COL11A1: variants seen among roughly 807,000 people sequenced by gnomAD.
COL11A1 encodes collagen type XI alpha 1 chain.
In COL11A1, 74 loss-of-function variants were observed where a neutral mutation model predicts 265.2. The observed-to-expected ratio is 0.28, with a 90% CI of 0.23 to 0.34. The LOEUF (loss-of-function observed/expected upper bound fraction) is 0.34. COL11A1 is among the 10% of genes least tolerant of loss of function. COL11A1 has a pLI of 1.00. For missense variants in COL11A1, 2,165 were observed against 2,263.6 expected, an observed-to-expected ratio of 0.96 and a Z score of 0.88; for synonymous variants, 816 against 727.6, an observed-to-expected ratio of 1.12 and a Z score of -1.96.
At position 102,962,713 on chromosome 1, in the gene COL11A1, G is replaced by A. The variant is rs1051072; in HGVS notation, c.2964C>T (p.Gly988=). The change falls in exon 39 of 67, where the codon GGC becomes GGT. Residue 988 remains glycine, a synonymous_variant. Transcript: ENST00000370096. ...TGPIGERGHP[G]PPGPPGEQGL... is the part of the protein sequence containing the mutation. ...CTTGCTCACCAGGAGGGCCAGGAGG[G>A]CCAGGATGCCCACGTTCCCCTATTG... 17 of 1,614,036 alleles carry A rather than the reference G, an allele frequency of 1.1e-5. No homozygotes were observed. Among genetic ancestry groups the A allele is most frequent in the Admixed American group, 5.0e-5 (3 of 60,002 alleles).
intron 20 of COL11A1, 111 bp from the exon 21 acceptor site, chr1:103,003,379 C>T: frequency 1.7e-6 from 2 of 1,169,188 alleles, no homozygotes; most frequent in Non-Finnish European, 2.5e-6. Flanking sequence ...AATATTTGGA[C>T]ATCTTTTATT....
chr1:102,908,123 G>A (rs114053089), intron 54 of COL11A1, among the ~76,000 whole-genome samples: 13,952 of 152,078 alleles, frequency 0.092, 744 homozygotes, highest in Middle Eastern at 0.13. Context: ...TAGTATCTCA[G>A]TGTAATTTCT....
chr1:102,895,039 A>C (rs1156259316), intron 57 of COL11A1, among the ~76,000 whole-genome samples: 2 of 152,164 alleles, frequency 1.3e-5, no homozygotes, highest in Non-Finnish European at 2.9e-5. Context: ...CACATATACA[A>C]ATGTAAATAT....
chr1:102,941,156 C>G (rs1369554695), intron 42 of COL11A1, among the ~76,000 whole-genome samples: 2 of 151,900 alleles, frequency 1.3e-5, no homozygotes, highest in African/African-American at 2.4e-5. Flanking sequence ...TTTTCATTAC[C>G]CCACTTTCCC....
intron 46 of COL11A1, among the ~76,000 whole-genome samples, chr1:102,931,030 T>C (rs1448285768): frequency 6.7e-6 from 1 of 148,542 alleles, no homozygotes; most frequent in African/African-American, 2.5e-5. Context: ...TTGTTGATCC[T>C]TTCAAAAAAC....
intron 1 of COL11A1, among the ~76,000 whole-genome samples, chr1:103,106,875 G>T (rs1446760722): frequency 6.6e-6 from 1 of 151,988 alleles, no homozygotes. Flanking sequence ...CTAGACCCAG[G>T]GCCACACTCA....
chr1:102,891,035 A>T (rs1046161159), intron 57 of COL11A1, among the ~76,000 whole-genome samples: 2 of 152,092 alleles, frequency 1.3e-5, no homozygotes, highest in Non-Finnish European at 2.9e-5. Context: ...GCCTAATAAT[A>T]TTCTATAGAA....
In COL11A1 at chr1:103,014,881, CT is replaced by C. The variant is rs546063659; in HGVS notation, c.1489-288del. On this transcript the variant is annotated intron_variant, in intron 12 of 66. Coordinates refer to ENST00000370096, the MANE Select transcript of COL11A1 (RefSeq NM_001854.4). Reference sequence around the variant, plus strand: ...ATACCTCTGGAATAAACCATTGTGACTTTTTTTTAAGCACAAATGTTACCCA... The same window carrying C: ...ATACCTCTGGAATAAACCATTGTGACTTTTTTTAAGCACAAATGTTACCCA... Among the ~76,000 whole-genome samples, 14 of 151,740 alleles carry C rather than the reference CT, an allele frequency of 9.2e-5. No homozygotes were observed. The East Asian group carries it at 1.7e-3, about 19-fold the overall frequency.
intron 7 of COL11A1, among the ~76,000 whole-genome samples, chr1:103,023,656 C>A (rs1667286477): frequency 6.6e-6 from 1 of 152,272 alleles, no homozygotes; most frequent in South Asian, 2.1e-4. Context: ...CACACCCTGG[C>A]AGCTTTGCCT....
intron 18 of COL11A1, 37 bp downstream of exon 18, chr1:103,005,801 A>T (rs200910306): frequency 6.2e-7 from 1 of 1,610,450 alleles, no homozygotes; most frequent in East Asian, 2.2e-5. Context: ...AATATTTTAT[A>T]ACATTCCCTG....
intron 3 of COL11A1, among the ~76,000 whole-genome samples, chr1:103,075,680 A>G (rs1671921670): frequency 6.6e-6 from 1 of 151,582 alleles, no homozygotes; most frequent in African/African-American, 2.4e-5. Context: ...AGTCTGGTTT[A>G]TATTTTATTT....
chr1:102,943,121 A>T (rs780912265), intron 42 of COL11A1, among the ~76,000 whole-genome samples: 4 of 152,088 alleles, frequency 2.6e-5, no homozygotes, highest in Non-Finnish European at 5.9e-5. Flanking sequence ...TAAAGTAGAT[A>T]AATATATGCA....
At chr1:102,958,898 G>A (rs185547946) in intron 41 of COL11A1, among the ~76,000 whole-genome samples, 170 of 152,200 alleles carry the variant, frequency 1.1e-3, no homozygotes, top group African/African-American at 4.0e-3. Context: ...CATGGAAGGC[G>A]TCACCAAACT....
chr1:103,018,937 C>G, intron 9 of COL11A1, 78 bp from the exon 10 acceptor site: 2 of 1,082,838 alleles, frequency 1.8e-6, no homozygotes, highest in Non-Finnish European at 2.8e-6. Flanking sequence ...TAAGAGAACA[C>G]TATATCATTG....
At chr1:102,935,902 A>G (rs1658091733) in intron 44 of COL11A1, among the ~76,000 whole-genome samples, 1 of 152,186 alleles carries the variant, frequency 6.6e-6, no homozygotes, top group African/African-American at 2.4e-5. Flanking sequence ...TTCTCATAAC[A>G]ACAGTAAGGC....
chr1:103,035,565 T>G (rs750358545), intron 4 of COL11A1, among the ~76,000 whole-genome samples: 2 of 152,102 alleles, frequency 1.3e-5, no homozygotes, highest in Non-Finnish European at 2.9e-5. Flanking sequence ...TTTAATCGTT[T>G]TTAATTCATT....
chr1:103,015,752 T>C lies in COL11A1; in HGVS notation c.1414-10A>G, dbSNP rs1368829821. ...GACGTCCTGGGGGGCCCTAGAAAAATAAATGAAATAACCAAAATAAATAAA... is the reference window on the plus strand; with the variant it reads ...GACGTCCTGGGGGGCCCTAGAAAAACAAATGAAATAACCAAAATAAATAAA... On this transcript the variant is annotated splice_polypyrimidine_tract_variant and intron_variant, in intron 11 of 66. Coordinates refer to ENST00000370096, the MANE Select transcript of COL11A1 (RefSeq NM_001854.4). 2 of 1,556,040 alleles carry C rather than the reference T, an allele frequency of 1.3e-6. No individual in the cohort carries two copies. Among genetic ancestry groups the C allele is most frequent in the Non-Finnish European group, 8.8e-7 (1 of 1,137,746 alleles).
At chr1:102,890,806 A>C (rs2100866947) in intron 57 of COL11A1, among the ~76,000 whole-genome samples, 1 of 152,218 alleles carries the variant, frequency 6.6e-6, no homozygotes, top group Non-Finnish European at 1.5e-5. Flanking sequence ...TAGTTTTGGA[A>C]GGGATTTCCA....
At chr1:102,998,441 A>C in intron 24 of COL11A1, 78 bp from the exon 25 acceptor site, 1 of 1,001,732 alleles carries the variant, frequency 1.0e-6, no homozygotes, top group Non-Finnish European at 1.4e-6. Context: ...CTATGAATGA[A>C]ATTCTTATCC....
Sources: allele counts gnomAD v4.1 joint callset (sites outside exome capture counted in the v4.1 genomes callset), GRCh38; gene constraint gnomAD v4.1.1; transcripts MANE v1.5; gene names NCBI Gene and HGNC (gene_info 2026-07-23, HGNC 2026-07-21).